Variants in EBF4 observed in about 807,000 individuals in gnomAD.
EBF4 encodes the protein transcription factor COE4.
A neutral mutation model predicts 67.1 loss-of-function variants in EBF4; 34 were observed. That is an observed-to-expected ratio of 0.51 (90% CI 0.39 to 0.67). The LOEUF (loss-of-function observed/expected upper bound fraction) is 0.67, where lower values mean the gene tolerates loss of function less well. Among genes scored for constraint, EBF4 ranks in the 30% least tolerant of loss-of-function variants. EBF4 has a pLI of 0.00. For synonymous variants in EBF4, 387 were observed against 377.7 expected, an observed-to-expected ratio of 1.02 and a Z score of -0.29; for missense variants, 837 against 873.3, an observed-to-expected ratio of 0.96 and a Z score of 0.52.
At chr20:2,728,851 T>G (rs1185860909) in intron 6 of EBF4, among the ~76,000 whole-genome samples, 2 of 152,086 alleles carry the variant, frequency 1.3e-5, no homozygotes. Context: ...TAGCATTCCT[T>G]CAATGGTGGG....
At chr20:2,743,167 G>A (rs1268441785) in intron 6 of EBF4, among the ~76,000 whole-genome samples, 7 of 152,138 alleles carry the variant, frequency 4.6e-5, no homozygotes, top group African/African-American at 1.7e-4. Flanking sequence ...GACTGCTCAG[G>A]TGGAATAAAG....
intron 6 of EBF4, among the ~76,000 whole-genome samples, chr20:2,714,412 G>A (rs983997958): frequency 2.0e-5 from 3 of 151,536 alleles, no homozygotes; most frequent in South Asian, 2.1e-4. Context: ...GAGTGCAGTG[G>A]CGCAATCATA....
intron 1 of EBF4, among the ~76,000 whole-genome samples, chr20:2,695,854 T>C (rs1106691): frequency 0.54 from 82,788 of 152,048 alleles, 25,443 homozygotes; most frequent in African/African-American, 0.84. Context: ...AAAGACTCCC[T>C]GGGATCCGAG....
At chr20:2,721,760 T>C (rs1461537062) in intron 6 of EBF4, among the ~76,000 whole-genome samples, 1 of 152,160 alleles carries the variant, frequency 6.6e-6, no homozygotes, top group African/African-American at 2.4e-5. Flanking sequence ...TGGCCCCATG[T>C]CTCTAACTTT....
Position 2,747,313 on chromosome 20 carries a change from C to A in EBF4, c.558-1236C>A, listed in dbSNP as rs375309389. On this transcript the variant is annotated intron_variant, in intron 6 of 16. Coordinates refer to ENST00000609451, the Ensembl canonical transcript of EBF4. The surrounding 1 kb of genome is among the most constrained non-coding windows in gnomAD (Gnocchi z 4.6). ...CTCTGTCTCAAAACAAAAAACAAAA[C>A]AAACAAAAAAAAAAAAACAGGAAAA... Among the ~76,000 whole-genome samples, 22 of 123,260 alleles carry A rather than the reference C, an allele frequency of 1.8e-4. No individual in the cohort carries two copies. The highest frequency in any genetic ancestry group is 4.7e-4 in the East Asian group (2 of 4,264). The allele number at this position is 123,260 out of a possible 152,430, so 80.9% of individuals were successfully genotyped here.
chr20:2,749,355 G>C, intron 7 of EBF4, 46 bp from the exon 8 acceptor site: 1 of 1,441,968 alleles, frequency 6.9e-7, no homozygotes. Flanking sequence ...CCCCTCCCGG[G>C]AGCCCCCGAG....
chr20:2,693,768 C>G lies in EBF4; in HGVS notation c.123C>G (p.Ser41Arg). The change falls in exon 1 of 17, where the codon AGC (serine) becomes AGG (arginine). Residue 41 changes from serine (S) to arginine (R), a missense_variant. Transcript: ENST00000609451. This position sits in a 1 kb window ranked among gnomAD's most constrained non-coding sequence, Gnocchi z 4.6. ...AGGGCGCGGGCATCCTGGACGCCAG[C>G]ACCGCGGCGCAGAGGTAAGCGCTCG... is the stretch of plus-strand genomic sequence containing the variant. 1.5e-6 allele frequency: 2 copies of G among 1,334,844 alleles called. No individual in the cohort carries two copies. Among genetic ancestry groups the G allele is most frequent in the Non-Finnish European group, 1.9e-6 (2 of 1,044,780 alleles). The allele number at this position is 1,334,844 out of a possible 1,614,324, so 82.7% of individuals were successfully genotyped here.
At chr20:2,729,446 G>C (rs1354270639) in intron 6 of EBF4, among the ~76,000 whole-genome samples, 1 of 152,216 alleles carries the variant, frequency 6.6e-6, no homozygotes, top group Non-Finnish European at 1.5e-5. Context: ...TATGAATTTA[G>C]TATGGATCTC....
chr20:2,738,365 G>A (rs935125484), intron 6 of EBF4, among the ~76,000 whole-genome samples: 5 of 152,020 alleles, frequency 3.3e-5, no homozygotes, highest in Non-Finnish European at 5.9e-5. Context: ...TTCTGCTGCC[G>A]TCCATGCCCC....
At chr20:2,754,975 C>G (rs1446915287) in intron 14 of EBF4, 3 of 105,126 alleles carry the variant, frequency 2.9e-5, no homozygotes, top group African/African-American at 8.7e-5. Flanking sequence ...AGACCACCCC[C>G]CCCCACAGGG....
intron 14 of EBF4, among the ~76,000 whole-genome samples, chr20:2,754,342 T>A (rs1438944709): frequency 1.3e-5 from 2 of 152,140 alleles, no homozygotes; most frequent in Non-Finnish European, 2.9e-5. Flanking sequence ...TCTTTGTTTT[T>A]CTGCTTCAGC....
At chr20:2,716,601 T>C (rs543027916) in intron 6 of EBF4, among the ~76,000 whole-genome samples, 1 of 152,304 alleles carries the variant, frequency 6.6e-6, no homozygotes, top group East Asian at 1.9e-4. Flanking sequence ...CTTCCAAAGG[T>C]TTCACAGTTT....
intron 6 of EBF4, among the ~76,000 whole-genome samples, chr20:2,727,551 C>T (rs1039310736): frequency 3.9e-5 from 6 of 152,210 alleles, no homozygotes; most frequent in Non-Finnish European, 7.3e-5. Flanking sequence ...TGTACCCAGA[C>T]AGTTCAAACC....
chr20:2,755,299 A>T lies in EBF4; in HGVS notation c.1541-328A>T, dbSNP rs2088223892. On this transcript the variant is annotated intron_variant, in intron 14 of 16. Transcript: ENST00000609451. The surrounding 1 kb of genome is among the most constrained non-coding windows in gnomAD (Gnocchi z 4.7). Reference sequence around the variant, plus strand: ...GCATCTCAGAATCCCAGGGGTTTTCAGCAGAAATCCTGAAGTAGTCCAGCT... The same window carrying T: ...GCATCTCAGAATCCCAGGGGTTTTCTGCAGAAATCCTGAAGTAGTCCAGCT... The T allele has an allele frequency of 3.1e-6, 1 of 326,816 alleles. No homozygotes were observed. The highest frequency in any genetic ancestry group is 5.6e-6 in the Non-Finnish European group (1 of 177,596). 20.2% of individuals were successfully genotyped at this position (326,816 alleles called of 1,614,324 possible).
At chr20:2,694,676 A>G (rs2087262939) in intron 1 of EBF4, among the ~76,000 whole-genome samples, 1 of 152,126 alleles carries the variant, frequency 6.6e-6, no homozygotes, top group African/African-American at 2.4e-5. Flanking sequence ...GGCTTCCCAG[A>G]AGTCTGAGCT....
rs1251025472 is a variant in EBF4, at chr20:2,721,721, C to G, written c.557+12079C>G. ...CCGCCTGCCTCAGCCTGCCAAAGTG[C>G]TGGAATTACAGGTGTGAGCCACTGC... On this transcript the variant is annotated intron_variant, in intron 6 of 16. Transcript: ENST00000609451. Among the ~76,000 whole-genome samples the G allele has an allele frequency of 2.6e-5, 4 of 152,182 alleles. No homozygotes were observed. In the East Asian group the frequency reaches 5.8e-4, roughly 22 times the overall value.
rs114139830 is a variant in EBF4 at position 2,751,886 on chromosome 20, G to C, written c.1108-36G>C. 0.1 allele frequency: 162,188 copies of C among 1,548,786 alleles called. 9,156 individuals are homozygous for C. Among genetic ancestry groups the C allele is most frequent in the East Asian group, 0.22 (9,066 of 40,874 alleles). Reference sequence around the variant, plus strand: ...GGCCCCTTGGTCGCCCCCAGGGGCTGCCCCTCCGTCCCGCTGTCTCTCCCC... The same window carrying C: ...GGCCCCTTGGTCGCCCCCAGGGGCTCCCCCTCCGTCCCGCTGTCTCTCCCC... On this transcript the variant is annotated intron_variant, in intron 11 of 16. Transcript: ENST00000609451. This position sits in a 1 kb window ranked among gnomAD's most constrained non-coding sequence, Gnocchi z 5.2.
chr20:2,716,658 G>A (rs2087615114), intron 6 of EBF4, among the ~76,000 whole-genome samples: 1 of 152,140 alleles, frequency 6.6e-6, no homozygotes, highest in Non-Finnish European at 1.5e-5. Flanking sequence ...GGGGTATGGT[G>A]TGAATTAAGG....
intron 6 of EBF4, among the ~76,000 whole-genome samples, chr20:2,746,208 G>T (rs1228212636): frequency 6.6e-6 from 1 of 152,118 alleles, no homozygotes; most frequent in Non-Finnish European, 1.5e-5. Context: ...ACTAATAAGA[G>T]AGAAATGGAG....
Sources: gnomAD v4.1 joint callset for allele counts (sites outside exome capture counted in the v4.1 genomes callset) on GRCh38, gnomAD v4.1.1 for gene constraint, Gnocchi (gnomAD v3.1) non-coding constraint, MANE v1.5 for transcripts, NCBI Gene and HGNC (gene_info 2026-07-23, HGNC 2026-07-21) for gene names.